BBX: variants seen among roughly 807,000 people sequenced by gnomAD.
BBX encodes the protein BBX high mobility group box domain containing, also known as HMG box transcription factor BBX.
In BBX, 30 loss-of-function variants were observed where a neutral mutation model predicts 100.2. The ratio of observed to expected loss-of-function variants is 0.30; its 90% CI spans 0.22 to 0.41. BBX has a LOEUF of 0.41. BBX is among the 10% of genes least tolerant of loss of function. The pLI is 1.00. For synonymous variants in BBX, 376 were observed against 388.1 expected (o/e 0.97, Z 0.37); for missense variants, 1,023 against 1,129.8 (o/e 0.91, Z 1.35).
chr3:107,572,629 TAA>T (rs1171857855), intron 2 of BBX, among the ~76,000 whole-genome samples: 2 of 152,174 alleles, frequency 1.3e-5, no homozygotes, highest in African/African-American at 2.4e-5. Context: ...GTATTTAATA[TAA>T]AAATGTATAA....
intron 2 of BBX, among the ~76,000 whole-genome samples, chr3:107,599,885 T>C (rs1294797014): frequency 6.7e-6 from 1 of 148,722 alleles, no homozygotes; most frequent in African/African-American, 2.5e-5. Context: ...TGATTTTTAA[T>C]ACGTCTCTCA....
Position 107,805,529 on chromosome 3 carries a change from G to A in BBX, c.*72G>A, listed in dbSNP as rs1419993846. 2 of 1,612,324 alleles carry A rather than the reference G, an allele frequency of 1.2e-6. No individual in the cohort carries two copies. The highest frequency in any genetic ancestry group is 1.7e-6 in the Non-Finnish European group (2 of 1,179,088). ...CTTGTCTTTACCGAGGGATGCTAGT[G>A]AGTCCAAGTGGTGGAAAATATAGAC... On this transcript the variant is annotated 3_prime_UTR_variant, in exon 18 of 18. Transcript: ENST00000325805.
chr3:107,581,362 C>A (rs2052265874), intron 2 of BBX, among the ~76,000 whole-genome samples: 1 of 151,772 alleles, frequency 6.6e-6, no homozygotes, highest in Non-Finnish European at 1.5e-5. Flanking sequence ...TCCTTTGAAT[C>A]TCTTTTGGTT....
At chr3:107,558,572 G>A (rs2050250267) in intron 2 of BBX, among the ~76,000 whole-genome samples, 1 of 152,208 alleles carries the variant, frequency 6.6e-6, no homozygotes, top group East Asian at 1.9e-4. Flanking sequence ...TTGACAGACA[G>A]TGAGAGAGGA....
chr3:107,572,170 T>C (rs988780089), intron 2 of BBX, among the ~76,000 whole-genome samples: 1 of 152,222 alleles, frequency 6.6e-6, no homozygotes, highest in Admixed American at 6.5e-5. Flanking sequence ...GGTACATTTA[T>C]TTCTGAGCAG....
intron 2 of BBX, among the ~76,000 whole-genome samples, chr3:107,564,332 TA>T (rs1486594187): frequency 5.9e-5 from 9 of 152,228 alleles, no homozygotes; most frequent in Non-Finnish European, 1.2e-4. Context: ...ATATGGCAAA[TA>T]TTTTTTACAG....
chr3:107,539,966 G>A (rs1004794634), intron 2 of BBX, among the ~76,000 whole-genome samples: 1 of 152,142 alleles, frequency 6.6e-6, no homozygotes, highest in Non-Finnish European at 1.5e-5. Flanking sequence ...TATTAAATGA[G>A]TATGTAGAAT....
intron 7 of BBX, among the ~76,000 whole-genome samples, chr3:107,734,930 A>G (rs1204253404): frequency 6.6e-6 from 1 of 152,140 alleles, no homozygotes; most frequent in Non-Finnish European, 1.5e-5. Context: ...AAGAAAGCTA[A>G]ATGATTGAAA....
chr3:107,687,519 T>C (rs894050533), intron 3 of BBX, among the ~76,000 whole-genome samples: 2 of 152,132 alleles, frequency 1.3e-5, no homozygotes, highest in African/African-American at 4.8e-5. Context: ...CATACAGTGG[T>C]AATAACAGGC....
In BBX at chr3:107,810,654, G is replaced by C. The variant is rs759906240; in HGVS notation, c.*5197G>C. 8 of 152,224 alleles carry C rather than the reference G, an allele frequency of 5.3e-5. No homozygotes were observed. The highest frequency in any genetic ancestry group is 4.1e-4 in the South Asian group (2 of 4,832). 9.4% of individuals were successfully genotyped at this position (152,224 alleles called of 1,614,324 possible). On this transcript the variant is annotated 3_prime_UTR_variant, in exon 18 of 18. Coordinates refer to ENST00000325805, the MANE Select transcript of BBX (RefSeq NM_001142568.3). ...CTCAGCTCTAAGAGCCGTGGAACGGGGGGTAGGGAAGGTTTGCGATCTGGA... is the reference window on the plus strand; with the variant it reads ...CTCAGCTCTAAGAGCCGTGGAACGGCGGGTAGGGAAGGTTTGCGATCTGGA...
At chr3:107,552,214 C>T (rs1387826266) in intron 2 of BBX, among the ~76,000 whole-genome samples, 1 of 151,414 alleles carries the variant, frequency 6.6e-6, no homozygotes, top group East Asian at 1.9e-4. Flanking sequence ...CATGGTGGCC[C>T]ACACCTGTAC....
At chr3:107,600,740 C>G (rs2054003960) in intron 2 of BBX, among the ~76,000 whole-genome samples, 2 of 152,064 alleles carry the variant, frequency 1.3e-5, no homozygotes, top group Non-Finnish European at 2.9e-5. Flanking sequence ...TTGGGCCTAA[C>G]AAGTTAAAAA....
At chr3:107,746,661 C>T (rs1043712316) in intron 8 of BBX, among the ~76,000 whole-genome samples, 10 of 151,814 alleles carry the variant, frequency 6.6e-5, no homozygotes, top group African/African-American at 2.2e-4. Flanking sequence ...TGCTATGTTA[C>T]CCAGGCTTGT....
At chr3:107,740,294 C>G (rs995990362) in intron 7 of BBX, among the ~76,000 whole-genome samples, 1 of 151,930 alleles carries the variant, frequency 6.6e-6, no homozygotes, top group Non-Finnish European at 1.5e-5. Context: ...CCTTCCATCT[C>G]TCAAATTTCC....
chr3:107,638,170 G>T (rs1294563240), intron 2 of BBX, among the ~76,000 whole-genome samples: 1 of 152,092 alleles, frequency 6.6e-6, no homozygotes, highest in Admixed American at 6.6e-5. Context: ...TTCCACCTCA[G>T]CCTCCCAAGT....
chr3:107,648,999 G>A (rs1315509368), intron 3 of BBX, among the ~76,000 whole-genome samples: 28 of 152,202 alleles, frequency 1.8e-4, no homozygotes, highest in Non-Finnish European at 1.5e-5. Context: ...AAGGAAAGAG[G>A]TTTAATGGAC....
intron 10 of BBX, among the ~76,000 whole-genome samples, chr3:107,756,588 T>C (rs1248407639): frequency 1.3e-4 from 20 of 152,168 alleles, no homozygotes; most frequent in Admixed American, 1.2e-3. Context: ...ATAAAACTTA[T>C]GCACTTAAAA....
intron 12 of BBX, among the ~76,000 whole-genome samples, chr3:107,775,157 C>G (rs143639976): frequency 6.6e-6 from 1 of 152,070 alleles, no homozygotes; most frequent in Non-Finnish European, 1.5e-5. Context: ...TTTTTCCATC[C>G]GAAGCTTAGA....
At chr3:107,751,474 C>T (rs1311430479) in intron 9 of BBX, among the ~76,000 whole-genome samples, 3 of 152,120 alleles carry the variant, frequency 2.0e-5, no homozygotes, top group African/African-American at 7.2e-5. Context: ...ATCTTAGAAA[C>T]ATACTTTTAA....
Sources: allele counts gnomAD v4.1 joint callset (sites outside exome capture counted in the v4.1 genomes callset), GRCh38; gene constraint gnomAD v4.1.1; transcripts MANE v1.5; gene names NCBI Gene and HGNC (gene_info 2026-07-23, HGNC 2026-07-21).